RNF207: variants seen among roughly 807,000 people sequenced by gnomAD.
RNF207 encodes the protein ring finger protein 207.
RNF207 carries 72 observed loss-of-function variants against 79.0 expected under a neutral mutation model. That is an observed-to-expected ratio of 0.91 (90% CI 0.75 to 1.11). RNF207 has a LOEUF of 1.11. Ranked by LOEUF, RNF207 falls within the 50% of genes least tolerant of loss-of-function variation. RNF207 has a pLI of 0.00. For synonymous variants in RNF207, 348 were observed against 366.2 expected (o/e 0.95, Z 0.57); for missense variants, 936 against 855.8 (o/e 1.09, Z -1.17).
Position 6,221,055 on chromosome 1 carries a change from T to C in RNF207, c.*1648T>C, listed in dbSNP as rs1668534269. 1 of 152,212 alleles carries C rather than the reference T, an allele frequency of 6.6e-6. No homozygotes were observed. The highest frequency in any genetic ancestry group is 1.5e-5 in the Non-Finnish European group (1 of 68,032). The allele number at this position is 152,212 out of a possible 1,614,324, so 9.4% of individuals were successfully genotyped here. ...GTGGCCTGCAGGGCAAAAGGAATTA[T>C]CATTACAACTGGTTAGAGGTAGGAA... On this transcript the variant is annotated 3_prime_UTR_variant, in exon 18 of 18. Coordinates refer to ENST00000377939, the MANE Select transcript of RNF207 (RefSeq NM_207396.3).
Position 6,212,784 on chromosome 1 carries a change from C to T in RNF207, c.1534+51C>T, listed in dbSNP as rs899324793. 4.2e-6 allele frequency: 6 copies of T among 1,442,876 alleles called. No homozygotes were observed. In the African/African-American group the frequency reaches 4.2e-5, roughly 10 times the overall value. The allele number at this position is 1,442,876 out of a possible 1,614,324, so 89.4% of individuals were successfully genotyped here. A position where few individuals can be genotyped will look rare whatever the true frequency, so the allele number is the denominator to read the frequency against. On this transcript the variant is annotated intron_variant, in intron 15 of 17. Transcript: ENST00000377939. ...AACCCTCTGTCCCTGAGCTAACCCACATACTAGCAGAGGAGGAAGTCAGAG... is the reference window on the plus strand; with the variant it reads ...AACCCTCTGTCCCTGAGCTAACCCATATACTAGCAGAGGAGGAAGTCAGAG...
intron 1 of RNF207, 95 bp downstream of exon 1, chr1:6,206,397 C>T: frequency 1.6e-6 from 1 of 625,926 alleles, no homozygotes; most frequent in Non-Finnish European, 2.7e-6. Flanking sequence ...GCCCTAGCGG[C>T]TCCCCACTCC....
Position 6,209,416 on chromosome 1 carries a change from C to G in RNF207, c.630C>G (p.Ala210=). 1 of 1,521,084 alleles carries G rather than the reference C, an allele frequency of 6.6e-7. No individual in the cohort carries two copies. Among genetic ancestry groups the G allele is most frequent in the Non-Finnish European group, 8.8e-7 (1 of 1,139,676 alleles). 94.2% of individuals were successfully genotyped at this position (1,521,084 alleles called of 1,614,324 possible). The change falls in exon 7 of 18, where the codon GCC becomes GCG. Residue 210 remains alanine (A), a splice_region_variant and synonymous_variant. Coordinates refer to ENST00000377939, the MANE Select transcript of RNF207 (RefSeq NM_207396.3). ...GCERLEQAVL[A]VKALQTATRE... The stretch of plus-strand genomic sequence containing the variant: ...GCCTGACCACGCCCTGTCCCCAGGC[C>G]GTGAAGGCCCTGCAGACGGCCACGC...
chr1:6,210,140 TGCGAA>T, intron 8 of RNF207, 78 bp from the exon 9 acceptor site: 1 of 1,377,968 alleles, frequency 7.3e-7, no homozygotes, highest in Non-Finnish European at 1.0e-6. Flanking sequence ...GGGACGGACA[TGCGAA>T]GCTGGAGGCG....
chr1:6,221,061 C>G lies in RNF207; in HGVS notation c.*1654C>G, dbSNP rs186415705. ...TGCAGGGCAAAAGGAATTATCATTACAACTGGTTAGAGGTAGGAATTCAGA... is the reference window on the plus strand; with the variant it reads ...TGCAGGGCAAAAGGAATTATCATTAGAACTGGTTAGAGGTAGGAATTCAGA... On this transcript the variant is annotated 3_prime_UTR_variant, in exon 18 of 18. Coordinates refer to ENST00000377939, the MANE Select transcript of RNF207 (RefSeq NM_207396.3). The G allele has an allele frequency of 2.0e-5, 3 of 152,264 alleles. No individual in the cohort carries two copies. Among genetic ancestry groups the G allele is most frequent in the Non-Finnish European group, 4.4e-5 (3 of 68,042 alleles). The allele number at this position is 152,264 out of a possible 1,614,324, so 9.4% of individuals were successfully genotyped here.
intron 1 of RNF207, 84 bp from the exon 2 acceptor site, chr1:6,206,452 C>A: frequency 9.7e-7 from 1 of 1,033,280 alleles, no homozygotes; most frequent in Non-Finnish European, 1.4e-6. Flanking sequence ...ATAGGGAGGG[C>A]GCGGGCGCCC....
chr1:6,214,137 G>A (rs1438213535), intron 16 of RNF207, among the ~76,000 whole-genome samples: 1 of 152,170 alleles, frequency 6.6e-6, no homozygotes, highest in Non-Finnish European at 1.5e-5. Flanking sequence ...ATTCTAGATT[G>A]GGAAGGATTC....
Position 6,211,118 on chromosome 1 carries a change from C to T in RNF207, c.1109C>T (p.Thr370Met), listed in dbSNP as rs199848736. The change falls in exon 12 of 18, where the codon ACG (threonine) becomes ATG (methionine). Residue 370 changes from threonine to methionine, a missense_variant and splice_region_variant. By Grantham distance (81) the Thr-to-Met change is moderately conservative. Coordinates refer to ENST00000377939, the MANE Select transcript of RNF207 (RefSeq NM_207396.3). This position sits in a 1 kb window ranked among gnomAD's most constrained non-coding sequence, Gnocchi z 4.2. ...RVAAAASGAN[T>M]LAGGLGPKAL... Reference sequence around the variant, plus strand: ...GCAGCTGCTGCAAGTGGTGCTAACACGTGAGCAGCAACCGGGGAGGCCAGG... The same window carrying T: ...GCAGCTGCTGCAAGTGGTGCTAACATGTGAGCAGCAACCGGGGAGGCCAGG... 3,148 of 1,581,630 alleles carry T rather than the reference C, an allele frequency of 2.0e-3. 4 individuals carry two copies. Among genetic ancestry groups the T allele is most frequent in the Non-Finnish European group, 2.5e-3 (2,881 of 1,168,038 alleles).
chr1:6,210,492 C>A, intron 10 of RNF207, 54 bp downstream of exon 10: 2 of 1,438,622 alleles, frequency 1.4e-6, no homozygotes, highest in Admixed American at 1.7e-5. Flanking sequence ...GCCCACCCTG[C>A]AGACCAAAGC....
chr1:6,208,321 A>C (rs1302414801), intron 3 of RNF207: 1 of 152,320 alleles, frequency 6.6e-6, no homozygotes, highest in East Asian at 1.9e-4. Context: ...GTAAAAAAAA[A>C]AAAATTTTTT....
At position 6,211,076 on chromosome 1, in the gene RNF207, T is replaced by C. The variant is rs1272572572; in HGVS notation, c.1067T>C (p.Leu356Pro). 6.2e-7 allele frequency: 1 copy of C among 1,606,036 alleles called. No homozygotes were observed. Among genetic ancestry groups the C allele is most frequent in the African/African-American group, 1.3e-5 (1 of 74,992 alleles). ...FARCLEPLLL[L>P]GPRRVAAAAS... ...CGCTGTCTGGAGCCACTGCTGCTGC[T>C]GGGGCCACGTCGGGTGGCAGCTGCT... The change falls in exon 12 of 18, where the codon CTG becomes CCG. Residue 356 changes from leucine (L) to proline (P), a missense_variant. Coordinates refer to ENST00000377939, the MANE Select transcript of RNF207 (RefSeq NM_207396.3). The surrounding 1 kb of genome is among the most constrained non-coding windows in gnomAD (Gnocchi z 4.2).
Position 6,219,305 on chromosome 1 carries a change from G to A in RNF207, c.1803G>A (p.Pro601=), listed in dbSNP as rs200559791. The change falls in exon 18 of 18, where the codon CCG becomes CCA. Residue 601 remains proline, a synonymous_variant. Coordinates refer to ENST00000377939, the MANE Select transcript of RNF207 (RefSeq NM_207396.3). The part of the protein sequence containing the change: ...TSEPKGNSWA[P]NGLSEEPLLK... ...AGCCTAAAGGAAACAGCTGGGCTCCGAACGGCCTCTCAGAAGAGCCTCTAC... is the reference window on the plus strand; with the variant it reads ...AGCCTAAAGGAAACAGCTGGGCTCCAAACGGCCTCTCAGAAGAGCCTCTAC... 3.8e-4 allele frequency: 614 copies of A among 1,613,444 alleles called. 1 individual carries two copies. The highest frequency in any genetic ancestry group is 4.9e-4 in the East Asian group (22 of 44,874).
intron 16 of RNF207, among the ~76,000 whole-genome samples, chr1:6,213,493 C>G (rs1380476982): frequency 6.8e-6 from 1 of 147,630 alleles, no homozygotes; most frequent in Non-Finnish European, 1.5e-5. Context: ...AAAAAAACTG[C>G]ATGGGAAAGG....
At chr1:6,206,814 G>A in intron 2 of RNF207, 88 bp downstream of exon 2, 1 of 1,105,462 alleles carries the variant, frequency 9.0e-7, no homozygotes, top group Non-Finnish European at 1.3e-6. Flanking sequence ...CCAGGTGCCA[G>A]GAGAGTAAGG....
chr1:6,218,727 G>A (rs896799911), intron 17 of RNF207, among the ~76,000 whole-genome samples: 1 of 152,180 alleles, frequency 6.6e-6, no homozygotes, highest in Non-Finnish European at 1.5e-5. Flanking sequence ...CAGCGCATGC[G>A]CCCCAGTACC....
chr1:6,206,483 C>G, intron 1 of RNF207, 53 bp from the exon 2 acceptor site: 3 of 1,392,424 alleles, frequency 2.2e-6, no homozygotes, highest in Non-Finnish European at 2.9e-6. Context: ...GCCGCGGGAG[C>G]TCAAGCGGGG....
intron 7 of RNF207, 123 bp downstream of exon 7, chr1:6,209,662 G>C: frequency 8.2e-7 from 1 of 1,218,882 alleles, no homozygotes; most frequent in Non-Finnish European, 1.1e-6. Flanking sequence ...CACTTTCCTG[G>C]AGTTGCTAGG....
At chr1:6,214,179 AT>A (rs1456199228) in intron 16 of RNF207, among the ~76,000 whole-genome samples, 1 of 152,010 alleles carries the variant, frequency 6.6e-6, no homozygotes, top group African/African-American at 2.4e-5. Flanking sequence ...TCGCTTTCTT[AT>A]TTTCTAGCTT....
rs1213325620 is a variant in RNF207 at position 6,211,326 on chromosome 1, C to T, written c.1109+208C>T. ...AGTAGGGGAACAGGAAGCCCTGGAC[C>T]TGAAGTCCATGGCAGACCGGGCTCG... On this transcript the variant is annotated intron_variant, in intron 12 of 17. Transcript: ENST00000377939. This position sits in a 1 kb window ranked among gnomAD's most constrained non-coding sequence, Gnocchi z 4.2. Among the ~76,000 whole-genome samples, 5 of 152,142 alleles carry T rather than the reference C, an allele frequency of 3.3e-5. No homozygotes were observed. The highest frequency in any genetic ancestry group is 2.0e-4 in the Admixed American group (3 of 15,280).
Sources: allele counts gnomAD v4.1 joint callset (sites outside exome capture counted in the v4.1 genomes callset), GRCh38; gene constraint gnomAD v4.1.1; non-coding constraint Gnocchi (gnomAD v3.1); transcripts MANE v1.5; gene names NCBI Gene and HGNC (gene_info 2026-07-23, HGNC 2026-07-21).